The following MARK1 variants were observed in gnomAD, a reference collection of about 807,000 sequenced individuals.
The protein encoded by MARK1 is serine/threonine-protein kinase MARK1.
Under a neutral mutation model 96.3 loss-of-function variants are expected in MARK1, and 40 were observed. That is an observed-to-expected ratio of 0.42 (90% CI 0.32 to 0.54). MARK1 has a LOEUF of 0.54. Ranked by LOEUF, MARK1 falls within the 20% of genes least tolerant of loss-of-function variation. The pLI, the probability that MARK1 is intolerant of heterozygous loss-of-function variation, is 0.16. For missense variants in MARK1, 719 were observed against 984.6 expected, an observed-to-expected ratio of 0.73 and a Z score of 3.61; for synonymous variants, 317 against 341.2, an observed-to-expected ratio of 0.93 and a Z score of 0.78.
chr1:220,630,995 GT>G (rs1558310418), intron 9 of MARK1, 39 bp from the exon 10 acceptor site: 2 of 1,363,718 alleles, frequency 1.5e-6, no homozygotes, highest in Non-Finnish European at 2.1e-6. Flanking sequence ...GTGGCTGAAT[GT>G]TCTGATTGAC....
intron 1 of MARK1, among the ~76,000 whole-genome samples, chr1:220,538,366 T>A (rs1241162840): frequency 6.6e-6 from 1 of 150,558 alleles, no homozygotes; most frequent in Non-Finnish European, 1.5e-5. Flanking sequence ...TTTCTCAGGT[T>A]TGTCAAAGAT....
chr1:220,646,368 C>T lies in MARK1; in HGVS notation c.1471-4252C>T, dbSNP rs1668574686. ...AGCTAGCAACGGAAGTGAGGGACCT[C>T]TTCAAGGAGAACTACAACCACTGCT... On this transcript the variant is annotated intron_variant, in intron 13 of 17. Coordinates refer to ENST00000366917, the MANE Select transcript of MARK1 (RefSeq NM_018650.5). Among the ~76,000 whole-genome samples the T allele has an allele frequency of 1.3e-5, 2 of 152,136 alleles. 1 individual carries two copies. Among genetic ancestry groups the T allele is most frequent in the South Asian group, 4.1e-4 (2 of 4,830 alleles).
At chr1:220,644,257 G>A (rs1465237747) in intron 13 of MARK1, among the ~76,000 whole-genome samples, 1 of 151,898 alleles carries the variant, frequency 6.6e-6, no homozygotes, top group Non-Finnish European at 1.5e-5. Context: ...AAAAAAGCAG[G>A]GGTTGCAATC....
chr1:220,637,489 G>A (rs758838533), intron 13 of MARK1, among the ~76,000 whole-genome samples: 51 of 152,078 alleles, frequency 3.4e-4, no homozygotes, highest in Non-Finnish European at 6.6e-4. Context: ...AGACCAGCCT[G>A]GCTAACATGA....
At chr1:220,659,461 C>G (rs953151957) in intron 17 of MARK1, among the ~76,000 whole-genome samples, 3 of 152,292 alleles carry the variant, frequency 2.0e-5, no homozygotes, top group Admixed American at 6.5e-5. Context: ...GTTACTTCAA[C>G]TCTGCGTGCC....
chr1:220,625,758 A>C (rs1453485086), intron 9 of MARK1: 1 of 447,550 alleles, frequency 2.2e-6, no homozygotes, highest in Non-Finnish European at 4.6e-6. Context: ...GACACAGGGC[A>C]CCAGGAGGAA....
At chr1:220,603,017 A>G (rs1665842583) in intron 5 of MARK1, among the ~76,000 whole-genome samples, 1 of 152,060 alleles carries the variant, frequency 6.6e-6, no homozygotes, top group African/African-American at 2.4e-5. Flanking sequence ...AATCTTCCTA[A>G]TAATGTCTTT....
At chr1:220,615,586 C>T (rs982636057) in intron 6 of MARK1, among the ~76,000 whole-genome samples, 2 of 151,994 alleles carry the variant, frequency 1.3e-5, no homozygotes, top group African/African-American at 4.8e-5. Flanking sequence ...TCATGTGTGC[C>T]AAAGCTTTTA....
chr1:220,556,505 A>AAAAAAAAAAAAAAAAG (rs1662271044), intron 1 of MARK1, among the ~76,000 whole-genome samples: 1 of 150,720 alleles, frequency 6.6e-6, no homozygotes. Context: ...AAAAAAAAAA[A>AAAAAAAAAAAAAAAAG]ACAAATTACA....
intron 1 of MARK1, among the ~76,000 whole-genome samples, chr1:220,566,502 G>T (rs970602861): frequency 7.2e-5 from 11 of 152,120 alleles, no homozygotes; most frequent in Non-Finnish European, 1.3e-4. Context: ...AGAGCAAACC[G>T]TTGCTGGGGT....
intron 3 of MARK1, among the ~76,000 whole-genome samples, chr1:220,596,635 T>G (rs934327425): frequency 2.6e-5 from 4 of 152,204 alleles, no homozygotes; most frequent in Non-Finnish European, 5.9e-5. Flanking sequence ...TTAAGTCATT[T>G]TGTTTTAATT....
At chr1:220,550,428 C>G (rs1661781847) in intron 1 of MARK1, among the ~76,000 whole-genome samples, 1 of 152,168 alleles carries the variant, frequency 6.6e-6, no homozygotes, top group Admixed American at 6.5e-5. Flanking sequence ...ACATGGCTCA[C>G]TGCAGTCTAA....
chr1:220,652,060 C>T lies in MARK1; in HGVS notation c.1646C>T (p.Pro549Leu). ...SVASAVPSAR[P>L]RHQKSMSTSG... ...GCCTCTGCTGTCCCCTCAGCACGAC[C>T]CCGCCACCAGAAGTCCATGTCCACT... Residue 549 changes from proline to leucine, a missense_variant, in exon 15 of 18, where the codon CCC becomes CTC. This residue lies in a region of MARK1 where 501 missense variants were observed against 588.3 expected (regional missense o/e 0.85). Transcript: ENST00000366917. 11 of 1,613,774 alleles carry T rather than the reference C, an allele frequency of 6.8e-6. No individual in the cohort carries two copies. The highest frequency in any genetic ancestry group is 7.6e-6 in the Non-Finnish European group (9 of 1,179,736).
chr1:220,541,044 T>G (rs910093240), intron 1 of MARK1, among the ~76,000 whole-genome samples: 5 of 152,242 alleles, frequency 3.3e-5, no homozygotes, highest in African/African-American at 1.2e-4. Flanking sequence ...AGTGATTCTC[T>G]GCCTCAGCCT....
In MARK1 at chr1:220,653,118, C is replaced by A; in HGVS notation, c.1754C>A (p.Pro585His). 1 of 1,614,198 alleles carries A rather than the reference C, an allele frequency of 6.2e-7. No individual in the cohort carries two copies. Among genetic ancestry groups the A allele is most frequent in the Non-Finnish European group, 8.5e-7 (1 of 1,180,034 alleles). Residue 585 changes from proline (P) to histidine (H), a missense_variant, in exon 16 of 18, where the codon CCT becomes CAT. Transcript: ENST00000366917. ...CCCAGCAGTACAACCCAGAGAGTGC[C>A]TGCTGCTTCCCCATCTGCTCACAGT... The part of the protein sequence containing the change: ...AYRPGTTQRV[P>H]AASPSAHSIS...
chr1:220,591,794 A>T (rs1664998725), intron 3 of MARK1, among the ~76,000 whole-genome samples: 1 of 151,968 alleles, frequency 6.6e-6, no homozygotes, highest in African/African-American at 2.4e-5. Context: ...ATTCTGCTTT[A>T]TTTACCTTGT....
At position 220,613,450 on chromosome 1, in the gene MARK1, T is replaced by C. The variant is rs576862382; in HGVS notation, c.496-2489T>C. Among the ~76,000 whole-genome samples, 8 of 152,300 alleles carry C rather than the reference T, an allele frequency of 5.3e-5. No individual in the cohort carries two copies. The South Asian group carries it at 1.7e-3, about 32-fold the overall frequency. The stretch of plus-strand genomic sequence containing the variant: ...TATAGAACTGTTTTCATAGAGACCA[T>C]TCTGTCTGACATGAGTTGCATGGCC... On this transcript the variant is annotated intron_variant, in intron 6 of 17. Coordinates refer to ENST00000366917, the MANE Select transcript of MARK1 (RefSeq NM_018650.5).
At chr1:220,616,096 G>C (rs1053761075) in intron 7 of MARK1, 101 bp downstream of exon 7, 9 of 556,140 alleles carry the variant, frequency 1.6e-5, no homozygotes, top group Non-Finnish European at 2.5e-5. Context: ...TAACTGTGCT[G>C]CTGGACACTA....
intron 1 of MARK1, among the ~76,000 whole-genome samples, chr1:220,545,620 T>C (rs1430990511): frequency 1.3e-5 from 2 of 151,856 alleles, no homozygotes; most frequent in East Asian, 1.9e-4. Flanking sequence ...TATTTTTTCG[T>C]AGAAATGGGA....
Sources: gnomAD v4.1 joint callset for allele counts (sites outside exome capture counted in the v4.1 genomes callset) on GRCh38, gnomAD v4.1.1 for gene constraint, gnomAD v4.1.1 regional missense constraint, MANE v1.5 for transcripts, NCBI Gene and HGNC (gene_info 2026-07-23, HGNC 2026-07-21) for gene names.